RPP40: variants seen among roughly 807,000 people sequenced by gnomAD.
The protein encoded by RPP40 is ribonuclease P/MRP subunit p40.
RPP40 carries 30 observed loss-of-function variants against 42.5 expected under a neutral mutation model. The observed-to-expected ratio is 0.71, with a 90% CI of 0.53 to 0.96. RPP40 has a LOEUF of 0.96. RPP40 is among the 40% of genes least tolerant of loss of function. RPP40 has a pLI of 0.00. For missense variants in RPP40, 426 were observed against 433.5 expected (o/e 0.98, Z 0.15); for synonymous variants, 173 against 164.0 (o/e 1.05, Z -0.42).
chr6:4,993,681 C>T (rs1759292664), downstream of RPP40, among the ~76,000 whole-genome samples: 1 of 152,188 alleles, frequency 6.6e-6, no homozygotes, highest in Admixed American at 6.5e-5. Context: ...TTTTTTAAGA[C>T]TATCCAGGTG....
chr6:4,992,799 CT>C (rs1203089735), downstream of RPP40, among the ~76,000 whole-genome samples: 1 of 152,094 alleles, frequency 6.6e-6, no homozygotes, highest in Non-Finnish European at 1.5e-5. Flanking sequence ...TTTCTGTCTT[CT>C]TTTTGATGAA....
chr6:5,002,392 A>T, intron 1 of RPP40, 147 bp from the exon 2 acceptor site: 1 of 658,346 alleles, frequency 1.5e-6, no homozygotes, highest in South Asian at 2.1e-5. Flanking sequence ...CTCTTATGTT[A>T]ACTTACCTAT....
the RPP40 span, among the ~76,000 whole-genome samples, chr6:4,988,898 T>A: frequency 1.3e-5 from 2 of 152,208 alleles, no homozygotes; most frequent in Admixed American, 1.3e-4. Flanking sequence ...CTGGGAGGTA[T>A]TTTTCTGAAT....
chr6:4,992,799 C>A (rs1003391529), downstream of RPP40, among the ~76,000 whole-genome samples: 2 of 152,094 alleles, frequency 1.3e-5, no homozygotes, highest in Non-Finnish European at 2.9e-5. Context: ...TTTCTGTCTT[C>A]TTTTTGATGA....
At position 4,998,698 on chromosome 6, in the gene RPP40, A is replaced by G. The variant is rs762814928; in HGVS notation, c.559+18T>C. 9 of 1,497,920 alleles carry G rather than the reference A, an allele frequency of 6.0e-6. No homozygotes were observed. The East Asian group carries it at 1.6e-4, about 27-fold the overall frequency. 92.8% of individuals were successfully genotyped at this position (1,497,920 alleles called of 1,614,324 possible). ...ACTTTCAAAATCACTGTATCATTAC[A>G]TAATTTATTCCTCATACCTGTTTTA... On this transcript the variant is annotated intron_variant, in intron 5 of 7. Transcript: ENST00000380051.
In RPP40 at chr6:4,996,506, T is replaced by C. The variant is rs139668560; in HGVS notation, c.560-86A>G. On this transcript the variant is annotated intron_variant, in intron 5 of 7. Coordinates refer to ENST00000380051, the MANE Select transcript of RPP40 (RefSeq NM_006638.4). ...GAATACCTGAACCCACCCATTCCCATCTGAGCGGTAAGATTGAGTAAGATG... is the reference window on the plus strand; with the variant it reads ...GAATACCTGAACCCACCCATTCCCACCTGAGCGGTAAGATTGAGTAAGATG... The C allele has an allele frequency of 4.9e-6, 6 of 1,227,630 alleles. No homozygotes were observed. The East Asian group carries it at 9.3e-5, about 19-fold the overall frequency. 76.0% of individuals were successfully genotyped at this position (1,227,630 alleles called of 1,614,324 possible).
intron 5 of RPP40, among the ~76,000 whole-genome samples, chr6:4,998,040 A>T (rs1204558191): frequency 6.6e-6 from 1 of 152,206 alleles, no homozygotes; most frequent in African/African-American, 2.4e-5. Flanking sequence ...CATGGGAGCA[A>T]CTTGGAGCAC....
chr6:4,989,166 A>T, the RPP40 span, among the ~76,000 whole-genome samples: 1 of 151,838 alleles, frequency 6.6e-6, no homozygotes. Context: ...CTTTGGTAAA[A>T]TGTCTGTTGA....
chr6:4,997,616 C>T (rs554884178), intron 5 of RPP40, among the ~76,000 whole-genome samples: 3 of 152,340 alleles, frequency 2.0e-5, no homozygotes, highest in East Asian at 1.9e-4. Context: ...TCCATAACTG[C>T]ATGATCAATT....
chr6:4,999,943 T>C, intron 3 of RPP40, 39 bp from the exon 4 acceptor site: 3 of 1,241,342 alleles, frequency 2.4e-6, no homozygotes, highest in South Asian at 2.5e-5. Context: ...ATACCAAAAC[T>C]AGAACTTACG....
intron 5 of RPP40, among the ~76,000 whole-genome samples, chr6:4,997,491 G>C: frequency 6.6e-6 from 1 of 152,222 alleles, no homozygotes; most frequent in East Asian, 1.9e-4. Flanking sequence ...GCCTTGGACT[G>C]AGAATTATAC....
intron 7 of RPP40, 102 bp downstream of exon 7, chr6:4,995,849 A>C: frequency 8.6e-7 from 1 of 1,164,324 alleles, no homozygotes. Context: ...TTCAATGTAC[A>C]TTTTATTTAT....
downstream of RPP40, among the ~76,000 whole-genome samples, chr6:4,993,755 C>T (rs550474188): frequency 6.6e-6 from 1 of 152,296 alleles, no homozygotes; most frequent in South Asian, 2.1e-4. Flanking sequence ...TATAGGCTCT[C>T]AAGTAAGATG....
the RPP40 span, among the ~76,000 whole-genome samples, chr6:4,988,573 A>G: frequency 0.032 from 4,816 of 152,256 alleles, 253 homozygotes; most frequent in African/African-American, 0.11. Context: ...AAATGGAATC[A>G]TACAATAGTA....
intron 7 of RPP40, 21 bp downstream of exon 7, chr6:4,995,930 T>C (rs1457905614): frequency 1.9e-6 from 3 of 1,611,322 alleles, no homozygotes; most frequent in East Asian, 2.2e-5. Flanking sequence ...ATGAGCGATA[T>C]AAAAGGTAAA....
chr6:4,989,058 T>C, the RPP40 span, among the ~76,000 whole-genome samples: 37 of 146,542 alleles, frequency 2.5e-4, no homozygotes, highest in Admixed American at 2.2e-3. Flanking sequence ...ACCATTCTAA[T>C]AGGAGTTAGT....
intron 4 of RPP40, among the ~76,000 whole-genome samples, chr6:4,999,387 C>T (rs758324305): frequency 6.6e-6 from 1 of 150,880 alleles, no homozygotes; most frequent in Admixed American, 6.6e-5. Flanking sequence ...CAAACTCCCC[C>T]TCCCGGGTTC....
chr6:4,990,317 A>G (rs1212475362), downstream of RPP40, among the ~76,000 whole-genome samples: 1 of 152,166 alleles, frequency 6.6e-6, no homozygotes, highest in African/African-American at 2.4e-5. Context: ...GTAGGACTCA[A>G]TTTGATAAAC....
Position 4,994,989 on chromosome 6 carries a change from A to G in RPP40, c.*89T>C. The G allele has an allele frequency of 8.7e-7, 1 of 1,144,278 alleles. No homozygotes were observed. The highest frequency in any genetic ancestry group is 1.2e-6 in the Non-Finnish European group (1 of 805,456). The allele number at this position is 1,144,278 out of a possible 1,614,324, so 70.9% of individuals were successfully genotyped here. On this transcript the variant is annotated 3_prime_UTR_variant, in exon 8 of 8. Coordinates refer to ENST00000380051, the MANE Select transcript of RPP40 (RefSeq NM_006638.4). ...GATCTGAGAAATGTCACCATCACAC[A>G]AGCCTGAGTGGACACACAGACCTTT...
Sources: allele counts gnomAD v4.1 joint callset (sites outside exome capture counted in the v4.1 genomes callset), GRCh38; gene constraint gnomAD v4.1.1; transcripts MANE v1.5; gene names NCBI Gene and HGNC (gene_info 2026-07-23, HGNC 2026-07-21).